The following MAP4K3 variants were observed in gnomAD, a reference collection of about 807,000 sequenced individuals.
MAP4K3 encodes the protein MAPK/ERK kinase kinase kinase 3.
MAP4K3 carries 94 observed loss-of-function variants against 143.5 expected under a neutral mutation model. The observed-to-expected ratio is 0.65, with a 90% CI of 0.55 to 0.78. MAP4K3 has a LOEUF of 0.78. MAP4K3 is among the 30% of genes least tolerant of loss of function. MAP4K3 has a pLI of 0.00. For missense variants in MAP4K3, 1,077 were observed against 1,068.1 expected, an observed-to-expected ratio of 1.01 and a Z score of -0.12; for synonymous variants, 416 against 347.2, an observed-to-expected ratio of 1.20 and a Z score of -2.20.
chr2:39,413,321 C>T (rs1164532323), intron 1 of MAP4K3, among the ~76,000 whole-genome samples: 1 of 152,054 alleles, frequency 6.6e-6, no homozygotes, highest in Non-Finnish European at 1.5e-5. Flanking sequence ...CACACATTTA[C>T]CTAATTAACG....
chr2:39,258,238 T>C, intron 31 of MAP4K3, 110 bp downstream of exon 31: 1 of 853,230 alleles, frequency 1.2e-6, no homozygotes, highest in Non-Finnish European at 1.8e-6. Flanking sequence ...AGCCATATCC[T>C]TTATTTTAAA....
chr2:39,354,019 G>A (rs1489933191), intron 3 of MAP4K3, among the ~76,000 whole-genome samples: 2 of 152,192 alleles, frequency 1.3e-5, no homozygotes, highest in East Asian at 1.9e-4. Flanking sequence ...CCAAAGATAC[G>A]ATTTGTCTCT....
At chr2:39,294,070 G>A (rs1272098012) in intron 16 of MAP4K3, 1 of 152,172 alleles carries the variant, frequency 6.6e-6, no homozygotes, top group Non-Finnish European at 1.5e-5. Context: ...ATAAAGACTC[G>A]ATAGACTTCT....
At chr2:39,265,614 T>C (rs973046203) in intron 27 of MAP4K3, among the ~76,000 whole-genome samples, 1 of 152,172 alleles carries the variant, frequency 6.6e-6, no homozygotes, top group Non-Finnish European at 1.5e-5. Context: ...TTACCTGAGG[T>C]GGCAACATTC....
At chr2:39,357,798 CTAGG>C (rs1367873356) in intron 2 of MAP4K3, among the ~76,000 whole-genome samples, 1 of 152,158 alleles carries the variant, frequency 6.6e-6, no homozygotes, top group Non-Finnish European at 1.5e-5. Context: ...TATAGGTATA[CTAGG>C]TACTTTGGAA....
chr2:39,350,623 T>C (rs1294577763), intron 3 of MAP4K3, among the ~76,000 whole-genome samples: 3 of 152,164 alleles, frequency 2.0e-5, no homozygotes, highest in African/African-American at 7.2e-5. Context: ...AAAAATTTTT[T>C]CCCAGTTTTA....
At chr2:39,427,415 G>C (rs577938993) in intron 1 of MAP4K3, among the ~76,000 whole-genome samples, 2 of 152,012 alleles carry the variant, frequency 1.3e-5, no homozygotes. Context: ...AAGAAACAGT[G>C]AGCAAAGAAA....
chr2:39,290,222 C>A, intron 19 of MAP4K3, 70 bp downstream of exon 19: 2 of 1,143,662 alleles, frequency 1.7e-6, no homozygotes, highest in Non-Finnish European at 1.2e-6. Context: ...GCTAGAAAAA[C>A]TCTCAACAAA....
intron 15 of MAP4K3, among the ~76,000 whole-genome samples, chr2:39,301,706 C>T (rs956150485): frequency 6.6e-5 from 10 of 151,678 alleles, no homozygotes; most frequent in Admixed American, 1.3e-4. Context: ...GGATATAGGC[C>T]GGGCGCGGTA....
At chr2:39,336,769 A>C (rs1664980704) in intron 6 of MAP4K3, 151 bp downstream of exon 6, 1 of 403,442 alleles carries the variant, frequency 2.5e-6, no homozygotes, top group Non-Finnish European at 4.5e-6. Flanking sequence ...TAAAGCTGCT[A>C]TAAAAAATTA....
chr2:39,435,902 G>A (rs532095818), intron 1 of MAP4K3, among the ~76,000 whole-genome samples: 48 of 152,354 alleles, frequency 3.2e-4, no homozygotes, highest in African/African-American at 1.1e-3. Flanking sequence ...GCATTACACT[G>A]AAGAGTAAAA....
intron 4 of MAP4K3, among the ~76,000 whole-genome samples, chr2:39,338,077 TA>T (rs1194535013): frequency 1.3e-5 from 2 of 152,096 alleles, no homozygotes; most frequent in Non-Finnish European, 2.9e-5. Context: ...TTTTGCTTTT[TA>T]AAAATCTGAT....
chr2:39,259,057 A>G (rs962160687), intron 29 of MAP4K3, among the ~76,000 whole-genome samples: 1 of 146,038 alleles, frequency 6.8e-6, no homozygotes, highest in Non-Finnish European at 1.5e-5. Flanking sequence ...CTGTGGTGTG[A>G]TCATGGCTCC....
At chr2:39,294,499 A>G (rs1682189022) in intron 16 of MAP4K3, among the ~76,000 whole-genome samples, 1 of 152,254 alleles carries the variant, frequency 6.6e-6, no homozygotes, top group South Asian at 2.1e-4. Context: ...ACTCTAAGAA[A>G]GCAGGAGCTT....
At chr2:39,330,955 T>A (rs534318596) in intron 8 of MAP4K3, among the ~76,000 whole-genome samples, 1 of 152,290 alleles carries the variant, frequency 6.6e-6, no homozygotes, top group African/African-American at 2.4e-5. Context: ...CATAACGCAG[T>A]ATCTGTAAAT....
At chr2:39,324,631 A>G (rs1026792129) in intron 12 of MAP4K3, among the ~76,000 whole-genome samples, 2 of 152,110 alleles carry the variant, frequency 1.3e-5, no homozygotes, top group African/African-American at 4.8e-5. Flanking sequence ...TAAACACTTC[A>G]CCTTCAGTCA....
At chr2:39,373,364 G>A (rs1337604973) in intron 2 of MAP4K3, among the ~76,000 whole-genome samples, 2 of 152,170 alleles carry the variant, frequency 1.3e-5, no homozygotes, top group African/African-American at 4.8e-5. Flanking sequence ...CAACTACTAT[G>A]GAGAACAGTT....
At chr2:39,360,860 C>A (rs544053248) in intron 2 of MAP4K3, among the ~76,000 whole-genome samples, 1 of 152,168 alleles carries the variant, frequency 6.6e-6, no homozygotes, top group Non-Finnish European at 1.5e-5. Context: ...CCCACAAAGT[C>A]CCTCCCATAA....
intron 2 of MAP4K3, among the ~76,000 whole-genome samples, chr2:39,371,811 C>A (rs1044799564): frequency 1.2e-4 from 17 of 147,380 alleles, no homozygotes; most frequent in African/African-American, 4.2e-4. Flanking sequence ...TCCTCTCTCT[C>A]TATATATATA....
Sources: gnomAD v4.1 joint callset for allele counts (sites outside exome capture counted in the v4.1 genomes callset) on GRCh38, gnomAD v4.1.1 for gene constraint, MANE v1.5 for transcripts, NCBI Gene and HGNC (gene_info 2026-07-23, HGNC 2026-07-21) for gene names.